The following BTBD9 variants were observed in gnomAD, a reference collection of about 807,000 sequenced individuals.
The protein encoded by BTBD9 is BTB domain containing 9, also known as BTB/POZ domain-containing protein 9.
In BTBD9, 49 loss-of-function variants were observed where a neutral mutation model predicts 64.3. That is an observed-to-expected ratio of 0.76 (90% confidence interval 0.61 to 0.97). The LOEUF is 0.97. Ranked by LOEUF, BTBD9 falls within the 50% of genes least tolerant of loss-of-function variation. The pLI is 0.00. For missense variants in BTBD9, 598 were observed against 762.1 expected (o/e 0.78, Z 2.53); for synonymous variants, 260 against 274.7 (o/e 0.95, Z 0.53).
At chr6:38,448,706 C>G (rs895031685) in intron 6 of BTBD9, among the ~76,000 whole-genome samples, 5 of 152,084 alleles carry the variant, frequency 3.3e-5, no homozygotes, top group African/African-American at 1.2e-4. Context: ...TTAGTAGAGA[C>G]GGGGTTTTGC....
At chr6:38,188,091 T>A (rs939258624) in intron 10 of BTBD9, among the ~76,000 whole-genome samples, 7 of 152,210 alleles carry the variant, frequency 4.6e-5, no homozygotes, top group African/African-American at 1.7e-4. Flanking sequence ...GAAATCCCAG[T>A]CCGCCTTAGC....
chr6:38,226,254 C>G (rs1340266507), intron 9 of BTBD9, among the ~76,000 whole-genome samples: 2 of 152,160 alleles, frequency 1.3e-5, no homozygotes, highest in African/African-American at 4.8e-5. Context: ...AGATACTGAT[C>G]CCCGCGCCTG....
intron 6 of BTBD9, among the ~76,000 whole-genome samples, chr6:38,358,767 A>G (rs1347153372): frequency 1.5e-5 from 2 of 135,082 alleles, no homozygotes; most frequent in Non-Finnish European, 3.2e-5. Flanking sequence ...ATGGATTGTG[A>G]CCTTTTTTTT....
At chr6:38,520,743 G>C (rs1482305014) in intron 6 of BTBD9, among the ~76,000 whole-genome samples, 4 of 151,672 alleles carry the variant, frequency 2.6e-5, no homozygotes, top group Non-Finnish European at 5.9e-5. Context: ...GACCAGCCTG[G>C]GCAACACAGA....
intron 6 of BTBD9, among the ~76,000 whole-genome samples, chr6:38,535,950 T>G (rs1352420103): frequency 6.6e-6 from 1 of 152,060 alleles, no homozygotes; most frequent in East Asian, 1.9e-4. Flanking sequence ...ATTTCTTGAG[T>G]AATCCTCCAA....
chr6:38,317,220 C>T (rs971994057), intron 7 of BTBD9, among the ~76,000 whole-genome samples: 14 of 152,110 alleles, frequency 9.2e-5, no homozygotes, highest in African/African-American at 3.4e-4. Flanking sequence ...TGATCTTGAA[C>T]TCCTGACCTC....
intron 6 of BTBD9, among the ~76,000 whole-genome samples, chr6:38,362,152 T>G (rs940249953): frequency 1.3e-5 from 2 of 152,232 alleles, no homozygotes; most frequent in African/African-American, 4.8e-5. Context: ...TAGTGAACTA[T>G]AACTTTCGCC....
chr6:38,448,129 T>C (rs79511540), intron 6 of BTBD9, among the ~76,000 whole-genome samples: 1,923 of 152,098 alleles, frequency 0.013, 46 homozygotes, highest in African/African-American at 0.044. Flanking sequence ...ATGGCAAACT[T>C]TGCTTCATCC....
At chr6:38,421,108 A>G (rs1767885527) in intron 6 of BTBD9, among the ~76,000 whole-genome samples, 1 of 151,738 alleles carries the variant, frequency 6.6e-6, no homozygotes, top group African/African-American at 2.4e-5. Flanking sequence ...TGTAATCCCA[A>G]CACTTTGGGA....
chr6:38,406,951 TTCACA>T (rs2127251029), intron 6 of BTBD9, among the ~76,000 whole-genome samples: 1 of 152,278 alleles, frequency 6.6e-6, no homozygotes, highest in African/African-American at 2.4e-5. Context: ...CTGAGCAGGA[TTCACA>T]TGGTAAGTAG....
In BTBD9 at chr6:38,262,360, C is replaced by A. The variant is rs183991870; in HGVS notation, c.1455-5844G>T. ...GGTGTTTAGCTGTTGCCACAAACCT[C>A]TCTAACTAATGAGCACAGCATGAAA... On this transcript the variant is annotated intron_variant, in intron 8 of 10. Coordinates refer to ENST00000481247, the MANE Select transcript of BTBD9 (RefSeq NM_001099272.2). 7.2e-4 allele frequency among the ~76,000 whole-genome samples: 110 copies of A among 152,312 alleles called. 1 individual carries two copies. Among genetic ancestry groups the A allele is most frequent in the Non-Finnish European group, 1.9e-4 (13 of 68,024 alleles).
intron 6 of BTBD9, among the ~76,000 whole-genome samples, chr6:38,517,464 C>G (rs1773087101): frequency 6.6e-6 from 1 of 152,160 alleles, no homozygotes; most frequent in Non-Finnish European, 1.5e-5. Flanking sequence ...TTCCCCTCTC[C>G]TTCTCTTAGT....
Position 38,594,010 on chromosome 6 carries a change from T to C in BTBD9, c.503A>G (p.Asn168Ser). 6.8e-6 allele frequency: 11 copies of C among 1,614,110 alleles called. No individual in the cohort carries two copies. The highest frequency in any genetic ancestry group is 9.3e-6 in the Non-Finnish European group (11 of 1,179,994). Reference protein sequence around the residue: ...TCMCCMFMDRNAQEVLSSEGF... With the variant: ...TCMCCMFMDRSAQEVLSSEGF... The stretch of plus-strand genomic sequence containing the variant: ...TTCACTTGAGAGGACTTCCTGAGCA[T>C]TCCTATCCATAAACATGCAGCACAT... Residue 168 changes from asparagine (N) to serine (S), a missense_variant, in exon 3 of 11, where the codon AAT (asparagine) becomes AGT (serine). Transcript: ENST00000481247.
intron 9 of BTBD9, among the ~76,000 whole-genome samples, chr6:38,198,171 A>T (rs1325621095): frequency 1.3e-5 from 2 of 152,248 alleles, no homozygotes; most frequent in African/African-American, 4.8e-5. Flanking sequence ...GAGACAGAGG[A>T]GGAGAAAGGG....
chr6:38,178,844 CTATTTATT>C lies in BTBD9; in HGVS notation c.1642-3670_1642-3663del, dbSNP rs148021128. On this transcript the variant is annotated intron_variant, in intron 10 of 10. Transcript: ENST00000481247. ...TCCTGATACTCTTGGACAAAGGAGG[CTATTTATT>C]TATTTATTTATTTATTTATGAGACA... 4.2e-3 allele frequency among the ~76,000 whole-genome samples: 631 copies of C among 151,434 alleles called. 2 individuals carry two copies. The highest frequency in any genetic ancestry group is 6.9e-3 in the African/African-American group (284 of 41,188).
chr6:38,381,696 G>A (rs1765939743), intron 6 of BTBD9, among the ~76,000 whole-genome samples: 5 of 151,734 alleles, frequency 3.3e-5, no homozygotes, highest in South Asian at 2.1e-4. Flanking sequence ...CTAGGTAAGC[G>A]TCAACAAATT....
rs1436794476 is a variant in BTBD9 at position 38,305,657 on chromosome 6, T to TG, written c.1265-17197dup. ...CCACCACACCGGGCTAATTTTTTTT[T>TG]GTTTTTAGTAGAGATGGGGTTTCAC... On this transcript the variant is annotated intron_variant, in intron 7 of 10. Transcript: ENST00000481247. 1.4e-4 allele frequency among the ~76,000 whole-genome samples: 22 copies of TG among 152,168 alleles called. No individual in the cohort carries two copies. The East Asian group carries it at 2.9e-3, about 20-fold the overall frequency.
At chr6:38,329,753 G>A (rs532868633) in intron 7 of BTBD9, among the ~76,000 whole-genome samples, 47 of 152,130 alleles carry the variant, frequency 3.1e-4, no homozygotes, top group African/African-American at 1.1e-3. Context: ...TCAGGAGTTC[G>A]AGAACAGCCT....
At chr6:38,260,903 A>G (rs535009847) in intron 8 of BTBD9, among the ~76,000 whole-genome samples, 1 of 152,160 alleles carries the variant, frequency 6.6e-6, no homozygotes, top group South Asian at 2.1e-4. Flanking sequence ...TTATTATCTG[A>G]CACTTAAGTA....
Sources: allele counts gnomAD v4.1 joint callset (sites outside exome capture counted in the v4.1 genomes callset), GRCh38; gene constraint gnomAD v4.1.1; transcripts MANE v1.5; gene names NCBI Gene and HGNC (gene_info 2026-07-23, HGNC 2026-07-21).